The following SYT17 variants were observed in gnomAD, a reference collection of about 807,000 sequenced individuals.
The protein encoded by SYT17 is synaptotagmin 17, also known as synaptotagmin-17.
Under a neutral mutation model 46.7 loss-of-function variants are expected in SYT17, and 22 were observed. The ratio of observed to expected loss-of-function variants is 0.47; its 90% CI spans 0.34 to 0.67. The LOEUF (loss-of-function observed/expected upper bound fraction) is 0.67. SYT17 is among the 30% of genes least tolerant of loss of function. The pLI is 0.01. For missense variants in SYT17, 519 were observed against 612.8 expected (o/e 0.85, Z 1.62); for synonymous variants, 251 against 248.4 (o/e 1.01, Z -0.10).
At chr16:19,173,889 G>C (rs932314895) in intron 3 of SYT17, among the ~76,000 whole-genome samples, 21 of 152,130 alleles carry the variant, frequency 1.4e-4, no homozygotes, top group African/African-American at 4.6e-4. Flanking sequence ...GCGTGGTTCC[G>C]AGCAGAAAAG....
intron 7 of SYT17, among the ~76,000 whole-genome samples, chr16:19,263,016 T>G (rs1255840205): frequency 6.6e-6 from 1 of 150,972 alleles, no homozygotes; most frequent in African/African-American, 2.4e-5. Flanking sequence ...CAGCAAACTT[T>G]TCTATAAGGA....
intron 5 of SYT17, among the ~76,000 whole-genome samples, chr16:19,220,314 T>TTTTTTTTTTTG (rs1966267244): frequency 7.1e-6 from 1 of 140,246 alleles, no homozygotes; most frequent in Non-Finnish European, 1.5e-5. Context: ...TTTTTTTTTT[T>TTTTTTTTTTTG]TTTTTTGAGA....
At position 19,184,007 on chromosome 16, in the gene SYT17, A is replaced by G. The variant is rs760824048; in HGVS notation, c.811A>G (p.Arg271Gly). ...CGAGATCCCCTTCCTGGAGGCCCAG[A>G]GGAGGACCCTGCTCCTGACCGTGGT... is the stretch of plus-strand genomic sequence containing the variant. ...TFEIPFLEAQ[R>G]RTLLLTVVDF... Residue 271 changes from arginine (R) to glycine (G), a missense_variant, in exon 5 of 8, where the codon AGG becomes GGG. By Grantham distance (125) the Arg-to-Gly change is moderately radical. Coordinates refer to ENST00000355377, the MANE Select transcript of SYT17 (RefSeq NM_016524.4). The G allele has an allele frequency of 6.2e-7, 1 of 1,614,094 alleles. No homozygotes were observed. Among genetic ancestry groups the G allele is most frequent in the Non-Finnish European group, 8.5e-7 (1 of 1,180,022 alleles).
chr16:19,253,728 T>TC (rs1424420390), intron 7 of SYT17, among the ~76,000 whole-genome samples: 1 of 152,284 alleles, frequency 6.6e-6, no homozygotes, highest in East Asian at 1.9e-4. Flanking sequence ...CTTTCAATTC[T>TC]CTTTTTTTTT....
chr16:19,179,612 C>T lies in SYT17; in HGVS notation c.183-779C>T, dbSNP rs79899094. Among the ~76,000 whole-genome samples, 1,163 of 152,222 alleles carry T rather than the reference C, an allele frequency of 7.6e-3. 20 individuals carry two copies. The highest frequency in any genetic ancestry group is 0.026 in the African/African-American group (1,088 of 41,514). ...TAACTCATTCAGTGTTTACAACCAC[C>T]GTATAATGTGGGTACTGTCAATATT... On this transcript the variant is annotated intron_variant, in intron 3 of 7. Coordinates refer to ENST00000355377, the MANE Select transcript of SYT17 (RefSeq NM_016524.4).
chr16:19,182,153 G>A (rs1479262480), intron 4 of SYT17, among the ~76,000 whole-genome samples: 1 of 152,142 alleles, frequency 6.6e-6, no homozygotes, highest in Non-Finnish European at 1.5e-5. Flanking sequence ...GGTGGCTCAC[G>A]CCTGTAATCC....
intron 7 of SYT17, among the ~76,000 whole-genome samples, chr16:19,263,640 C>CAAAAAAAAAAAAAAAAAAAA (rs1157288423): frequency 2.5e-5 from 1 of 39,258 alleles, no homozygotes; most frequent in Non-Finnish European, 5.8e-5. Context: ...AATTACAACT[C>CAAAAAAAAAAAAAAAAAAAA]AAAAAAAAAA....
At chr16:19,187,074 G>A (rs1263161183) in intron 5 of SYT17, among the ~76,000 whole-genome samples, 2 of 151,906 alleles carry the variant, frequency 1.3e-5, no homozygotes, top group African/African-American at 4.8e-5. Flanking sequence ...TTGCTCAGTC[G>A]CCCAGGCTGG....
chr16:19,251,154 T>TGC (rs372298268), intron 7 of SYT17, among the ~76,000 whole-genome samples: 3,033 of 152,274 alleles, frequency 0.02, 87 homozygotes, highest in African/African-American at 0.07. Context: ...ACAGGTGGCA[T>TGC]TTCTTTCAGA....
intron 7 of SYT17, among the ~76,000 whole-genome samples, chr16:19,226,184 CAA>C (rs1181371860): frequency 6.6e-6 from 1 of 152,184 alleles, no homozygotes; most frequent in Non-Finnish European, 1.5e-5. Flanking sequence ...ACAACCTACA[CAA>C]AGTCTCAAGC....
chr16:19,252,124 T>C (rs1184422932), intron 7 of SYT17, among the ~76,000 whole-genome samples: 1 of 151,354 alleles, frequency 6.6e-6, no homozygotes, highest in African/African-American at 2.4e-5. Context: ...ATCATGCCAC[T>C]GCACTCCAGC....
intron 7 of SYT17, among the ~76,000 whole-genome samples, chr16:19,229,888 G>A (rs534871839): frequency 6.6e-6 from 1 of 152,248 alleles, no homozygotes; most frequent in South Asian, 2.1e-4. Context: ...GAGTAGGAAG[G>A]AAATTCTGAC....
chr16:19,180,462 G>C lies in SYT17; in HGVS notation c.254G>C (p.Arg85Pro). ...GCCAGCGAAGTCCCGCTGACCCCACGGACCAATTCCCCGGATGGAAGACGC... is the reference window on the plus strand; with the variant it reads ...GCCAGCGAAGTCCCGCTGACCCCACCGACCAATTCCCCGGATGGAAGACGC... ...HTASEVPLTP[R>P]TNSPDGRRSS... The change falls in exon 4 of 8, where the codon CGG becomes CCG. Residue 85 changes from arginine to proline, a missense_variant. Arg to Pro is a moderately radical substitution (Grantham distance 103). Transcript: ENST00000355377. The C allele has an allele frequency of 6.2e-7, 1 of 1,614,154 alleles. No individual in the cohort carries two copies. The highest frequency in any genetic ancestry group is 8.5e-7 in the Non-Finnish European group (1 of 1,180,012).
intron 7 of SYT17, among the ~76,000 whole-genome samples, chr16:19,234,532 CA>C (rs1242329049): frequency 6.6e-6 from 1 of 151,972 alleles, no homozygotes; most frequent in Non-Finnish European, 1.5e-5. Context: ...GTGCCTTGTA[CA>C]GTTAGTGCTC....
At chr16:19,245,128 G>T (rs1967444029) in intron 7 of SYT17, among the ~76,000 whole-genome samples, 1 of 152,206 alleles carries the variant, frequency 6.6e-6, no homozygotes. Flanking sequence ...GCTGGCAAGA[G>T]CCTGGAAAAC....
chr16:19,202,016 T>C (rs539612550), intron 5 of SYT17, among the ~76,000 whole-genome samples: 1 of 152,332 alleles, frequency 6.6e-6, no homozygotes, highest in South Asian at 2.1e-4. Flanking sequence ...CTGTTTTTAC[T>C]CACACTTCTG....
At chr16:19,226,536 GTC>G (rs1966502291) in intron 7 of SYT17, among the ~76,000 whole-genome samples, 1 of 152,180 alleles carries the variant, frequency 6.6e-6, no homozygotes. Flanking sequence ...CACCCATAGA[GTC>G]TGCGTTGAAT....
chr16:19,249,135 G>A (rs910047565), intron 7 of SYT17, among the ~76,000 whole-genome samples: 1 of 151,886 alleles, frequency 6.6e-6, no homozygotes, highest in African/African-American at 2.4e-5. Flanking sequence ...TTAGCCAGGC[G>A]TGGTGGCAGG....
At chr16:19,180,903 G>A (rs1371018615) in intron 4 of SYT17, among the ~76,000 whole-genome samples, 1 of 152,198 alleles carries the variant, frequency 6.6e-6, no homozygotes, top group African/African-American at 2.4e-5. Context: ...AGCTAGGCGG[G>A]TTGCATCAGT....
Sources: allele counts gnomAD v4.1 joint callset (sites outside exome capture counted in the v4.1 genomes callset), GRCh38; gene constraint gnomAD v4.1.1; transcripts MANE v1.5; gene names NCBI Gene and HGNC (gene_info 2026-07-23, HGNC 2026-07-21).